Variants in DRC3 observed in about 807,000 individuals in gnomAD.
DRC3 encodes the protein dynein regulatory complex subunit 3.
DRC3 carries 45 observed loss-of-function variants against 57.6 expected under a neutral mutation model. The observed-to-expected ratio is 0.78, with a 90% CI of 0.62 to 1.00. The LOEUF is 1.00. Ranked by LOEUF, DRC3 falls within the 50% of genes least tolerant of loss-of-function variation. DRC3 has a pLI of 0.00. For missense variants in DRC3, 655 were observed against 675.2 expected (o/e 0.97, Z 0.33); for synonymous variants, 257 against 272.3 (o/e 0.94, Z 0.55).
chr17:17,986,212 C>T lies in DRC3; in HGVS notation c.278-1720C>T, dbSNP rs117914707. 2.4e-3 allele frequency among the ~76,000 whole-genome samples: 363 copies of T among 152,286 alleles called. 4 individuals carry two copies. The East Asian group carries it at 0.031, about 13-fold the overall frequency. Reference sequence around the variant, plus strand: ...TAGGCGTGAGCCACTGCACCTGGCCCGAACCTCGATTCCTTTATGTGCTGT... The same window carrying T: ...TAGGCGTGAGCCACTGCACCTGGCCTGAACCTCGATTCCTTTATGTGCTGT... On this transcript the variant is annotated intron_variant, in intron 4 of 13. Coordinates refer to ENST00000399187, the MANE Select transcript of DRC3 (RefSeq NM_031294.4).
intron 12 of DRC3, chr17:18,007,607 A>C: frequency 7.0e-7 from 1 of 1,436,714 alleles, no homozygotes; most frequent in South Asian, 1.5e-5. Context: ...ATGAATGGTC[A>C]CAAAATCAGC....
At chr17:18,015,829 G>T (rs1213363506) in intron 12 of DRC3, 5 of 471,696 alleles carry the variant, frequency 1.1e-5, no homozygotes, top group African/African-American at 1.9e-5. Context: ...GGACTGCAAA[G>T]TAACACCCTG....
At chr17:18,006,332 A>C in intron 11 of DRC3, 79 bp downstream of exon 11, 4 of 1,056,930 alleles carry the variant, frequency 3.8e-6, no homozygotes, top group Non-Finnish European at 5.8e-6. Context: ...GGACAAAAGA[A>C]TGTTCCACAG....
intron 2 of DRC3, 129 bp from the exon 3 acceptor site, chr17:17,977,453 A>G: frequency 1.0e-5 from 11 of 1,103,586 alleles, no homozygotes; most frequent in South Asian, 8.8e-5. Context: ...CAGCAGACCC[A>G]GGGCTGGGCG....
intron 10 of DRC3, chr17:18,005,972 T>G: frequency 1.8e-6 from 1 of 557,648 alleles, no homozygotes; most frequent in Non-Finnish European, 3.2e-6. Context: ...AACATTCAGA[T>G]GGTGAGGGAG....
chr17:17,980,916 AT>A (rs998405560), intron 3 of DRC3, among the ~76,000 whole-genome samples: 160 of 152,120 alleles, frequency 1.1e-3, no homozygotes, highest in African/African-American at 3.6e-3. Context: ...TGTATTTTTT[AT>A]TTTTTTGGCA....
Position 17,977,703 on chromosome 17 carries a change from C to G in DRC3, c.105C>G (p.Ala35=), listed in dbSNP as rs773801266. 6.2e-7 allele frequency: 1 copy of G among 1,613,654 alleles called. No homozygotes were observed. The highest frequency in any genetic ancestry group is 8.5e-7 in the Non-Finnish European group (1 of 1,179,768). The change falls in exon 3 of 14, where the codon GCC becomes GCG. Residue 35 remains alanine (A), a synonymous_variant. Coordinates refer to ENST00000399187, the MANE Select transcript of DRC3 (RefSeq NM_031294.4). ...QGPQEEAGQL[A]KQEGILFKDV... ...CCCAGGAGGAGGCCGGGCAGCTGGC[C>G]AAGCAGGAGGGCATCCTCTTCAAGG...
intron 4 of DRC3, among the ~76,000 whole-genome samples, chr17:17,985,016 C>G (rs2042894316): frequency 6.6e-6 from 1 of 152,122 alleles, no homozygotes; most frequent in South Asian, 2.1e-4. Flanking sequence ...CACACCTGGG[C>G]CCAGGTCTCT....
rs34656211 is a variant in DRC3 at position 18,000,194 on chromosome 17, CTG to C, written c.999+2577_999+2578del. Among the ~76,000 whole-genome samples, 323 of 63,832 alleles carry C rather than the reference CTG, an allele frequency of 5.1e-3. 3 individuals carry two copies. The highest frequency in any genetic ancestry group is 0.014 in the African/African-American group (300 of 22,194). The allele number at this position is 63,832 out of a possible 152,430, so 41.9% of individuals were successfully genotyped here. A position where few individuals can be genotyped will look rare whatever the true frequency, so the allele number is the denominator to read the frequency against. On this transcript the variant is annotated intron_variant, in intron 9 of 13. Transcript: ENST00000399187. Reference sequence around the variant, plus strand: ...GCCCTGTTCTGTACTTTGCTTTCCTCTGTGTGTGTGTGTGTGTGCATAGCATG... The same window carrying C: ...GCCCTGTTCTGTACTTTGCTTTCCTCTGTGTGTGTGTGTGTGCATAGCATG...
chr17:17,977,062 G>A (rs1480609177), intron 2 of DRC3, among the ~76,000 whole-genome samples: 1 of 152,160 alleles, frequency 6.6e-6, no homozygotes, highest in African/African-American at 2.4e-5. Context: ...TGGGTCAGGG[G>A]CTCCCTCTGC....
chr17:17,991,878 C>T (rs924330973), intron 5 of DRC3, among the ~76,000 whole-genome samples: 4 of 152,166 alleles, frequency 2.6e-5, no homozygotes, highest in Non-Finnish European at 5.9e-5. Context: ...CAGTGGCTCA[C>T]GCCTGTAATC....
Position 18,016,729 on chromosome 17 carries a change from G to T in DRC3, c.*58G>T. On this transcript the variant is annotated 3_prime_UTR_variant, in exon 14 of 14. Coordinates refer to ENST00000399187, the MANE Select transcript of DRC3 (RefSeq NM_031294.4). ...ATAGCACCAGCCCCAGCCAGGAGAA[G>T]GAAGTGCACACGCCTCACCCGCACC... 1.7e-6 allele frequency: 2 copies of T among 1,143,858 alleles called. No homozygotes were observed. Among genetic ancestry groups the T allele is most frequent in the East Asian group, 2.4e-5 (1 of 41,350 alleles). 70.9% of individuals were successfully genotyped at this position (1,143,858 alleles called of 1,614,324 possible). A position where few individuals can be genotyped will look rare whatever the true frequency, so the allele number is the denominator to read the frequency against.
chr17:17,994,450 C>G (rs1568495762), intron 7 of DRC3, 32 bp downstream of exon 7: 1 of 1,547,632 alleles, frequency 6.5e-7, no homozygotes, highest in African/African-American at 1.4e-5. Context: ...CGCCCTCGGC[C>G]CCCTCAGATG....
chr17:18,007,160 G>A lies in DRC3; in HGVS notation c.1326+13G>A, dbSNP rs2044005952. 2 of 1,081,250 alleles carry A rather than the reference G, an allele frequency of 1.8e-6. No homozygotes were observed. Among genetic ancestry groups the A allele is most frequent in the Non-Finnish European group, 2.6e-6 (2 of 766,854 alleles). The allele number at this position is 1,081,250 out of a possible 1,614,324, so 67.0% of individuals were successfully genotyped here. On this transcript the variant is annotated intron_variant, in intron 12 of 13. Transcript: ENST00000399187. ...CGACCTGCGCGCGGTAGGCGGGGCG[G>A]GCTGCTCGGAGCCTGACAGATGTGG...
At chr17:18,001,780 A>C (rs2043743228) in intron 9 of DRC3, among the ~76,000 whole-genome samples, 1 of 152,164 alleles carries the variant, frequency 6.6e-6, no homozygotes, top group Non-Finnish European at 1.5e-5. Flanking sequence ...TAAATACATA[A>C]ATAAATTTAA....
chr17:17,998,006 T>C (rs1275620978), intron 9 of DRC3, among the ~76,000 whole-genome samples: 1 of 152,236 alleles, frequency 6.6e-6, no homozygotes, highest in African/African-American at 2.4e-5. Flanking sequence ...TATTCATTCA[T>C]TCATTTAATA....
chr17:17,986,881 C>A (rs2042986185), intron 4 of DRC3, among the ~76,000 whole-genome samples: 1 of 152,140 alleles, frequency 6.6e-6, no homozygotes. Context: ...GATAACAGCC[C>A]CACCTGCCAG....
chr17:18,004,378 C>T lies in DRC3; in HGVS notation c.1015C>T (p.Arg339Ter), dbSNP rs763423453. The T allele has an allele frequency of 3.1e-5, 50 of 1,604,062 alleles. No individual in the cohort carries two copies. The highest frequency in any genetic ancestry group is 6.8e-5 in the Admixed American group (4 of 58,412). ...EKHLSSLSAI[R>*]EELELPNIEK... ...TTGTTTCTAGAGTTTAAGTGCCATT[C>T]GAGAGGAGTTGGAACTGCCCAACAT... The change falls in exon 10 of 14, where the codon CGA becomes TGA. Residue 339 changes from arginine to a stop codon, truncating the protein, a stop_gained. Coordinates refer to ENST00000399187, the MANE Select transcript of DRC3 (RefSeq NM_031294.4). LOFTEE classifies it high-confidence loss of function.
chr17:18,010,104 G>A (rs1408361716), intron 12 of DRC3, among the ~76,000 whole-genome samples: 2 of 152,222 alleles, frequency 1.3e-5, no homozygotes, highest in Admixed American at 6.5e-5. Context: ...CCCAGGGTCT[G>A]CTCAAGTGGC....
Sources: allele counts gnomAD v4.1 joint callset (sites outside exome capture counted in the v4.1 genomes callset), GRCh38; gene constraint gnomAD v4.1.1; transcripts MANE v1.5; gene names NCBI Gene and HGNC (gene_info 2026-07-23, HGNC 2026-07-21).